The following TBC1D16 variants were observed in gnomAD, a reference collection of about 807,000 sequenced individuals.
TBC1D16 encodes the protein CTD-2529O21.1.
Under a neutral mutation model 74.7 loss-of-function variants are expected in TBC1D16, and 58 were observed. The observed-to-expected ratio is 0.78, with a 90% CI of 0.63 to 0.97. The LOEUF is 0.97. Among genes scored for constraint, TBC1D16 ranks in the 50% least tolerant of loss-of-function variants. The probability of loss-of-function intolerance (pLI) is 0.00; values close to 1 mark genes in which losing one functional copy is unlikely to be tolerated. For missense variants in TBC1D16, 1,014 were observed against 1,079.5 expected, an observed-to-expected ratio of 0.94 and a Z score of 0.85; for synonymous variants, 493 against 474.7, an observed-to-expected ratio of 1.04 and a Z score of -0.50.
chr17:80,033,818 G>A (rs774166311), intron 1 of TBC1D16, among the ~76,000 whole-genome samples: 4 of 152,246 alleles, frequency 2.6e-5, no homozygotes, highest in Admixed American at 6.5e-5. Context: ...TTTCCATACT[G>A]AAGTGAACTG....
At chr17:79,977,522 G>A (rs371397936) in intron 3 of TBC1D16, among the ~76,000 whole-genome samples, 174 of 152,384 alleles carry the variant, frequency 1.1e-3, no homozygotes, top group African/African-American at 4.1e-3. Context: ...ACAGGGCCTG[G>A]CACGCAGCAG....
At chr17:79,942,724 T>C (rs145360659) in intron 10 of TBC1D16, among the ~76,000 whole-genome samples, 1 of 152,238 alleles carries the variant, frequency 6.6e-6, no homozygotes, top group African/African-American at 2.4e-5. Flanking sequence ...CACCCCCCAA[T>C]CATGCCCCAG....
At chr17:80,003,625 A>G (rs1322653908) in intron 3 of TBC1D16, among the ~76,000 whole-genome samples, 3 of 152,006 alleles carry the variant, frequency 2.0e-5, no homozygotes, top group Non-Finnish European at 4.4e-5. Flanking sequence ...ACAGAATAAC[A>G]TTTTTGAAAA....
intron 1 of TBC1D16, among the ~76,000 whole-genome samples, chr17:80,034,749 A>C (rs577023442): frequency 1.3e-5 from 2 of 152,306 alleles, no homozygotes; most frequent in South Asian, 4.1e-4. Flanking sequence ...TCTAAAACTG[A>C]GGCATGGATT....
chr17:79,943,840 A>G, intron 10 of TBC1D16: 2 of 1,370,468 alleles, frequency 1.5e-6, no homozygotes, highest in Non-Finnish European at 1.9e-6. Context: ...TAAAGGAATG[A>G]GGGCGGCAAA....
rs113461621 is a variant in TBC1D16, at chr17:79,954,955, G to A, written c.780-2137C>T. Reference sequence around the variant, plus strand: ...CACAGAGACTCGCTTTGGCAGTCACGGATGGAGGGCCCCCTCCCTGCTGCC... The same window carrying A: ...CACAGAGACTCGCTTTGGCAGTCACAGATGGAGGGCCCCCTCCCTGCTGCC... On this transcript the variant is annotated intron_variant, in intron 3 of 11. Transcript: ENST00000310924. The surrounding 1 kb of genome is among the most constrained non-coding windows in gnomAD (Gnocchi z 5.5). Among the ~76,000 whole-genome samples the A allele has an allele frequency of 0.089, 13,522 of 152,092 alleles. 654 individuals carry two copies. The highest frequency in any genetic ancestry group is 0.11 in the Non-Finnish European group (7,445 of 67,976).
intron 10 of TBC1D16, among the ~76,000 whole-genome samples, chr17:79,942,421 A>T (rs1406793764): frequency 6.7e-6 from 1 of 150,080 alleles, no homozygotes; most frequent in Non-Finnish European, 1.5e-5. Context: ...CAGTACCCGC[A>T]TGCCCAGGCT....
At chr17:79,948,839 A>C in intron 8 of TBC1D16, 33 bp downstream of exon 8, 2 of 1,613,500 alleles carry the variant, frequency 1.2e-6, no homozygotes, top group Non-Finnish European at 1.7e-6. Context: ...GCAGACTTGC[A>C]GATGGGAAAG....
rs186642320 is a variant in TBC1D16, at chr17:80,019,275, G to C, written c.-62-5666C>G. Among the ~76,000 whole-genome samples, 4 of 150,148 alleles carry C rather than the reference G, an allele frequency of 2.7e-5. 1 individual carries two copies. The highest frequency in any genetic ancestry group is 6.6e-5 in the Admixed American group (1 of 15,264). ...ACCATGACAGGCAGAACCTCACTGTGGCTCTGCGAGGTGCGTCCCAACAGT... is the reference window on the plus strand; with the variant it reads ...ACCATGACAGGCAGAACCTCACTGTCGCTCTGCGAGGTGCGTCCCAACAGT... On this transcript the variant is annotated intron_variant, in intron 1 of 11. Transcript: ENST00000310924.
chr17:79,990,552 G>C lies in TBC1D16; in HGVS notation c.779+19608C>G, dbSNP rs1280219909. On this transcript the variant is annotated intron_variant, in intron 3 of 11. Transcript: ENST00000310924. The surrounding 1 kb of genome is among the most constrained non-coding windows in gnomAD (Gnocchi z 4.8). ...TCTCACAGTCCCAGTCACCTTAAAA[G>C]GTCTTAACTGATTTTTCCTTCTCTC... 6.6e-6 allele frequency among the ~76,000 whole-genome samples: 1 copy of C among 152,228 alleles called. No homozygotes were observed. Among genetic ancestry groups the C allele is most frequent in the African/African-American group, 2.4e-5 (1 of 41,446 alleles).
chr17:80,031,230 G>A (rs1054576828), intron 1 of TBC1D16, among the ~76,000 whole-genome samples: 4 of 152,216 alleles, frequency 2.6e-5, no homozygotes, highest in African/African-American at 9.6e-5. Context: ...AATCCCCTGC[G>A]GGGCCGCCGT....
At chr17:79,942,716 C>G (rs113409160) in intron 10 of TBC1D16, among the ~76,000 whole-genome samples, 16 of 152,180 alleles carry the variant, frequency 1.1e-4, no homozygotes, top group Admixed American at 1.0e-3. Context: ...CCAGGCCACA[C>G]CCCCCAATCA....
intron 1 of TBC1D16, among the ~76,000 whole-genome samples, chr17:80,019,438 A>AT (rs1390943103): frequency 1.3e-5 from 1 of 79,380 alleles, no homozygotes; most frequent in Non-Finnish European, 2.6e-5. Flanking sequence ...ACACCAGGAC[A>AT]ACCCCCCCCC....
intron 1 of TBC1D16, among the ~76,000 whole-genome samples, chr17:80,018,283 T>A (rs1271236100): frequency 1.5e-5 from 2 of 133,908 alleles, no homozygotes; most frequent in Non-Finnish European, 3.0e-5. Context: ...TATTTCTTTA[T>A]TTTTTTTTTA....
chr17:79,941,903 A>T lies in TBC1D16; in HGVS notation c.2055+157T>A, dbSNP rs2032036327. ...GCCTTAGTGGGGAGCCCCCAGTGCTATGGGTGGGGGAGGGCACGTGCTGGG... is the reference window on the plus strand; with the variant it reads ...GCCTTAGTGGGGAGCCCCCAGTGCTTTGGGTGGGGGAGGGCACGTGCTGGG... On this transcript the variant is annotated intron_variant, in intron 11 of 11. Transcript: ENST00000310924. This position sits in a 1 kb window ranked among gnomAD's most constrained non-coding sequence, Gnocchi z 4.3. Among the ~76,000 whole-genome samples the T allele has an allele frequency of 7.1e-6, 1 of 140,206 alleles. No individual in the cohort carries two copies. The highest frequency in any genetic ancestry group is 2.7e-5 in the African/African-American group (1 of 37,644). The allele number at this position is 140,206 out of a possible 152,430, so 92.0% of individuals were successfully genotyped here.
Position 79,961,523 on chromosome 17 carries a change from G to A in TBC1D16, c.780-8705C>T, listed in dbSNP as rs935054783. On this transcript the variant is annotated intron_variant, in intron 3 of 11. Transcript: ENST00000310924. This position sits in a 1 kb window ranked among gnomAD's most constrained non-coding sequence, Gnocchi z 4.8. ...AAGAGAAATAAAAACATATGTCCAC[G>A]TGCAAAGACTTGCACATAAATGTGT... is the stretch of plus-strand genomic sequence containing the variant. 5.3e-5 allele frequency among the ~76,000 whole-genome samples: 8 copies of A among 152,172 alleles called. No individual in the cohort carries two copies. The highest frequency in any genetic ancestry group is 2.0e-4 in the Admixed American group (3 of 15,272).
rs1353000897 is a variant in TBC1D16, at chr17:79,998,780, C to T, written c.779+11380G>A. 3.3e-5 allele frequency among the ~76,000 whole-genome samples: 5 copies of T among 152,294 alleles called. No homozygotes were observed. In the East Asian group the frequency reaches 9.6e-4, roughly 29 times the overall value. On this transcript the variant is annotated intron_variant, in intron 3 of 11. Coordinates refer to ENST00000310924, the MANE Select transcript of TBC1D16 (RefSeq NM_019020.4). The stretch of plus-strand genomic sequence containing the variant: ...CGCCACCGTTCGCACATCCACCCAC[C>T]ACCACAGGGTATCCTGACTGCTTCC...
At chr17:80,018,475 G>A (rs919366223) in intron 1 of TBC1D16, among the ~76,000 whole-genome samples, 5 of 149,450 alleles carry the variant, frequency 3.3e-5, no homozygotes, top group Admixed American at 3.3e-4. Context: ...GTAGAGATGG[G>A]GTTTCACCAT....
At chr17:79,999,604 G>A (rs866633613) in intron 3 of TBC1D16, among the ~76,000 whole-genome samples, 5 of 132,730 alleles carry the variant, frequency 3.8e-5, no homozygotes, top group Admixed American at 1.7e-4. Flanking sequence ...GTGCAGTGGC[G>A]TGATCTCGGC....
Sources: allele counts gnomAD v4.1 joint callset (sites outside exome capture counted in the v4.1 genomes callset), GRCh38; gene constraint gnomAD v4.1.1; non-coding constraint Gnocchi (gnomAD v3.1); transcripts MANE v1.5; gene names NCBI Gene and HGNC (gene_info 2026-07-23, HGNC 2026-07-21).